The following SORCS1 variants were observed in gnomAD, a reference collection of about 807,000 sequenced individuals.
SORCS1 encodes the protein VPS10 domain-containing receptor SorCS1.
Under a neutral mutation model 146.1 loss-of-function variants are expected in SORCS1, and 60 were observed. The observed-to-expected ratio is 0.41, with a 90% CI of 0.33 to 0.51. The LOEUF (loss-of-function observed/expected upper bound fraction) is 0.51. Ranked by LOEUF, SORCS1 falls within the 20% of genes least tolerant of loss-of-function variation. SORCS1 has a pLI of 0.21. For synonymous variants in SORCS1, 637 were observed against 584.0 expected, an observed-to-expected ratio of 1.09 and a Z score of -1.31; for missense variants, 1,352 against 1,487.6, an observed-to-expected ratio of 0.91 and a Z score of 1.50.
intron 3 of SORCS1, among the ~76,000 whole-genome samples, chr10:106,812,330 C>A (rs953186487): frequency 6.6e-6 from 1 of 152,164 alleles, no homozygotes; most frequent in African/African-American, 2.4e-5. Context: ...GAATCTACTA[C>A]CACCATACGT....
At chr10:107,109,025 G>C (rs1965499584) in intron 1 of SORCS1, among the ~76,000 whole-genome samples, 1 of 152,224 alleles carries the variant, frequency 6.6e-6, no homozygotes, top group Admixed American at 6.5e-5. Context: ...CAACAGGTGA[G>C]CTTCCAAAAC....
chr10:106,588,997 G>A (rs1033749013), intron 24 of SORCS1, among the ~76,000 whole-genome samples: 13 of 151,008 alleles, frequency 8.6e-5, no homozygotes, highest in East Asian at 2.0e-4. Context: ...GTAAAGTCAC[G>A]TTTGAGAACA....
intron 1 of SORCS1, among the ~76,000 whole-genome samples, chr10:107,056,799 C>CT (rs1445347385): frequency 6.6e-6 from 1 of 152,238 alleles, no homozygotes; most frequent in Non-Finnish European, 1.5e-5. Context: ...CTGTGTCTAA[C>CT]TTTACTATAA....
At chr10:107,041,960 A>G (rs1030659857) in intron 1 of SORCS1, among the ~76,000 whole-genome samples, 1 of 152,214 alleles carries the variant, frequency 6.6e-6, no homozygotes, top group East Asian at 1.9e-4. Flanking sequence ...CTTAAATTAA[A>G]AATTCTTGTT....
At chr10:106,792,356 T>C (rs1388905920) in intron 3 of SORCS1, among the ~76,000 whole-genome samples, 1 of 152,220 alleles carries the variant, frequency 6.6e-6, no homozygotes, top group Non-Finnish European at 1.5e-5. Context: ...TCTAAGATGT[T>C]AAAAAATAGC....
intron 2 of SORCS1, among the ~76,000 whole-genome samples, chr10:106,942,012 C>T (rs1017714464): frequency 2.0e-5 from 3 of 152,176 alleles, no homozygotes; most frequent in Non-Finnish European, 4.4e-5. Flanking sequence ...GGGGAATTGA[C>T]AAGTAGATCT....
intron 21 of SORCS1, among the ~76,000 whole-genome samples, chr10:106,616,961 T>C (rs1456028643): frequency 6.6e-5 from 10 of 151,350 alleles, no homozygotes; most frequent in Non-Finnish European, 1.5e-4. Context: ...TCTTTTTTTT[T>C]TTTTTCTTTC....
At chr10:106,890,894 A>G (rs80020855) in intron 2 of SORCS1, among the ~76,000 whole-genome samples, 2,936 of 152,226 alleles carry the variant, frequency 0.019, 86 homozygotes, top group East Asian at 0.11. Context: ...AAATAATCCT[A>G]TGAAGCAGAG....
chr10:106,985,228 G>A (rs1217446744), intron 1 of SORCS1, among the ~76,000 whole-genome samples: 1 of 152,042 alleles, frequency 6.6e-6, no homozygotes, highest in Non-Finnish European at 1.5e-5. Context: ...ATAAAATAGG[G>A]TGAGCAAATC....
intron 24 of SORCS1, among the ~76,000 whole-genome samples, chr10:106,593,386 G>A (rs989942817): frequency 6.6e-6 from 1 of 152,050 alleles, no homozygotes; most frequent in African/African-American, 2.4e-5. Flanking sequence ...TGCTGTTCCC[G>A]TTGACACGTT....
In SORCS1 at chr10:107,034,872, C is replaced by T. The variant is rs1006047518; in HGVS notation, c.559-78292G>A. Among the ~76,000 whole-genome samples the T allele has an allele frequency of 4.6e-5, 7 of 151,544 alleles. No homozygotes were observed. In the South Asian group the frequency reaches 8.3e-4, roughly 18 times the overall value. On this transcript the variant is annotated intron_variant, in intron 1 of 25. Transcript: ENST00000263054. Reference sequence around the variant, plus strand: ...CCCCATAAACGGTATGTTTTATTTTCGTAATCAAATATAAAATAATTTAAT... The same window carrying T: ...CCCCATAAACGGTATGTTTTATTTTTGTAATCAAATATAAAATAATTTAAT...
At chr10:106,731,292 CAAAAAAAAAAAAA>C (rs57238882) in intron 5 of SORCS1, among the ~76,000 whole-genome samples, 4 of 23,770 alleles carry the variant, frequency 1.7e-4, no homozygotes, top group African/African-American at 4.3e-4. Context: ...GACTCCGTCT[CAAAAAAAAAAAAA>C]AAAAAAAAAA....
intron 19 of SORCS1, among the ~76,000 whole-genome samples, chr10:106,624,346 ATTTTTTTTTTTTTTTTTTT>A (rs57785797): frequency 1.4e-5 from 1 of 69,406 alleles, no homozygotes; most frequent in Non-Finnish European, 2.5e-5. Context: ...GTCAATGACG[ATTTTTTTTTTTTTTTTTTT>A]TTTTTTTTTT....
intron 1 of SORCS1, among the ~76,000 whole-genome samples, chr10:106,968,038 A>G (rs1955584771): frequency 6.8e-6 from 1 of 147,918 alleles, no homozygotes; most frequent in African/African-American, 2.6e-5. Context: ...CCCCGTCTCT[A>G]CTAAAGAAAA....
intron 18 of SORCS1, among the ~76,000 whole-genome samples, chr10:106,651,075 GA>G (rs1849824878): frequency 6.6e-6 from 1 of 152,126 alleles, no homozygotes; most frequent in African/African-American, 2.4e-5. Context: ...TTAGTATTTA[GA>G]AGATTGGATA....
chr10:106,770,443 C>T lies in SORCS1; in HGVS notation c.885+6091G>A, dbSNP rs149230442. ...AAGTTTTATTCTCCCTCGACAAAAC[C>T]GATCATTTATTTGAATGTACTTTTT... is the stretch of plus-strand genomic sequence containing the variant. On this transcript the variant is annotated intron_variant, in intron 4 of 25. Coordinates refer to ENST00000263054, the MANE Select transcript of SORCS1 (RefSeq NM_052918.5). 1.4e-3 allele frequency among the ~76,000 whole-genome samples: 205 copies of T among 149,598 alleles called. 1 individual carries two copies. Among genetic ancestry groups the T allele is most frequent in the African/African-American group, 4.7e-3 (191 of 40,592 alleles).
At chr10:107,039,428 G>C (rs777445422) in intron 1 of SORCS1, among the ~76,000 whole-genome samples, 44 of 151,604 alleles carry the variant, frequency 2.9e-4, no homozygotes, top group Non-Finnish European at 5.6e-4. Flanking sequence ...TGTCTGTCCT[G>C]TAGAAACTTC....
intron 3 of SORCS1, among the ~76,000 whole-genome samples, chr10:106,829,193 T>A (rs1000584396): frequency 3.9e-5 from 6 of 152,252 alleles, no homozygotes; most frequent in African/African-American, 1.4e-4. Context: ...AATCTATTTG[T>A]TCCATGTCAA....
At chr10:106,981,590 G>T (rs922705890) in intron 1 of SORCS1, among the ~76,000 whole-genome samples, 1 of 152,180 alleles carries the variant, frequency 6.6e-6, no homozygotes, top group Non-Finnish European at 1.5e-5. Flanking sequence ...AGAGGCAGAT[G>T]ATGTAATCAC....
Sources: allele counts gnomAD v4.1 joint callset (sites outside exome capture counted in the v4.1 genomes callset), GRCh38; gene constraint gnomAD v4.1.1; transcripts MANE v1.5; gene names NCBI Gene and HGNC (gene_info 2026-07-23, HGNC 2026-07-21).